The following NEGR1 variants were observed in gnomAD, a reference collection of about 807,000 sequenced individuals.
NEGR1 encodes IgLON family member 4.
Under a neutral mutation model 40.9 loss-of-function variants are expected in NEGR1, and 10 were observed. The observed-to-expected ratio is 0.24, with a 90% CI of 0.15 to 0.42. NEGR1 has a LOEUF of 0.42. Ranked by LOEUF, NEGR1 falls within the 10% of genes least tolerant of loss-of-function variation. NEGR1 has a pLI of 1.00. For synonymous variants in NEGR1, 185 were observed against 166.8 expected, an observed-to-expected ratio of 1.11 and a Z score of -0.84; for missense variants, 352 against 438.9, an observed-to-expected ratio of 0.80 and a Z score of 1.77.
At chr1:71,668,912 T>C (rs1652326639) in intron 4 of NEGR1, among the ~76,000 whole-genome samples, 1 of 152,176 alleles carries the variant, frequency 6.6e-6, no homozygotes, top group Non-Finnish European at 1.5e-5. Flanking sequence ...GTATGTTGAC[T>C]GTGTTGTTTT....
At position 72,279,440 on chromosome 1, in the gene NEGR1, T is replaced by G. The variant is rs182055378; in HGVS notation, c.176+2879A>C. Reference sequence around the variant, plus strand: ...GATAACTGTTATGCCACTATTTGTTTTTTATTAAAGACACTGTGAGGAATA... The same window carrying G: ...GATAACTGTTATGCCACTATTTGTTGTTTATTAAAGACACTGTGAGGAATA... On this transcript the variant is annotated intron_variant, in intron 1 of 6. Coordinates refer to ENST00000357731, the MANE Select transcript of NEGR1 (RefSeq NM_173808.3). Among the ~76,000 whole-genome samples, 246 of 152,190 alleles carry G rather than the reference T, an allele frequency of 1.6e-3. 1 individual carries two copies. The highest frequency in any genetic ancestry group is 3.8e-3 in the Admixed American group (58 of 15,284).
intron 2 of NEGR1, among the ~76,000 whole-genome samples, chr1:71,917,743 G>A (rs1189590999): frequency 6.8e-6 from 1 of 146,874 alleles, no homozygotes; most frequent in Non-Finnish European, 1.5e-5. Context: ...TTGCGCCACT[G>A]CACTCCAGCC....
At chr1:71,493,510 A>G (rs1308892835) in intron 6 of NEGR1, among the ~76,000 whole-genome samples, 1 of 152,164 alleles carries the variant, frequency 6.6e-6, no homozygotes, top group East Asian at 1.9e-4. Context: ...AATCTCATCA[A>G]GCCTTTGAAG....
intron 1 of NEGR1, among the ~76,000 whole-genome samples, chr1:72,205,951 A>G (rs1327068835): frequency 6.7e-6 from 1 of 150,314 alleles, no homozygotes; most frequent in African/African-American, 2.5e-5. Flanking sequence ...TCAAAAAAAA[A>G]AAAGAAAATA....
chr1:72,047,583 A>C (rs1461913286), intron 1 of NEGR1, among the ~76,000 whole-genome samples: 1 of 151,446 alleles, frequency 6.6e-6, no homozygotes, highest in Non-Finnish European at 1.5e-5. Flanking sequence ...AATCTTTTAT[A>C]ATAATATATG....
At chr1:71,931,697 C>G (rs1645856850) in intron 2 of NEGR1, among the ~76,000 whole-genome samples, 1 of 152,092 alleles carries the variant, frequency 6.6e-6, no homozygotes, top group Non-Finnish European at 1.5e-5. Flanking sequence ...TTTGACTGCA[C>G]CTCAAACATT....
chr1:71,981,608 A>T (rs1266598974), intron 1 of NEGR1, among the ~76,000 whole-genome samples: 1 of 152,150 alleles, frequency 6.6e-6, no homozygotes, highest in Non-Finnish European at 1.5e-5. Context: ...AACAGAGGAG[A>T]AAGATTATGG....
At chr1:72,029,408 G>A (rs1230400482) in intron 1 of NEGR1, among the ~76,000 whole-genome samples, 3 of 152,162 alleles carry the variant, frequency 2.0e-5, no homozygotes, top group African/African-American at 7.2e-5. Flanking sequence ...ATAAGAAAAA[G>A]CAAGCAAGGG....
intron 2 of NEGR1, among the ~76,000 whole-genome samples, chr1:71,855,844 G>T (rs1329172345): frequency 6.6e-6 from 1 of 151,884 alleles, no homozygotes; most frequent in African/African-American, 2.4e-5. Flanking sequence ...AATATATTCT[G>T]AGCACCTTAT....
chr1:71,739,221 A>AAC, intron 3 of NEGR1, among the ~76,000 whole-genome samples: 1 of 151,070 alleles, frequency 6.6e-6, no homozygotes, highest in African/African-American at 2.4e-5. Flanking sequence ...AAAAAAACAA[A>AAC]AAAAAAAAAC....
intron 2 of NEGR1, among the ~76,000 whole-genome samples, chr1:71,799,820 C>A (rs1281010096): frequency 6.6e-6 from 1 of 152,088 alleles, no homozygotes; most frequent in Non-Finnish European, 1.5e-5. Context: ...TCAAGCAATT[C>A]TCTTGCCTCA....
At chr1:71,936,961 A>G (rs906371781) in intron 1 of NEGR1, among the ~76,000 whole-genome samples, 2 of 152,236 alleles carry the variant, frequency 1.3e-5, no homozygotes, top group African/African-American at 4.8e-5. Flanking sequence ...GCACAGCTAC[A>G]GAACGAAAAC....
chr1:72,062,347 A>G (rs1023360172), intron 1 of NEGR1, among the ~76,000 whole-genome samples: 1 of 151,914 alleles, frequency 6.6e-6, no homozygotes, highest in Non-Finnish European at 1.5e-5. Context: ...CTAAGATGCC[A>G]TAATATTTAC....
intron 2 of NEGR1, among the ~76,000 whole-genome samples, chr1:71,902,240 A>G (rs2101864510): frequency 6.6e-6 from 1 of 152,292 alleles, no homozygotes; most frequent in Admixed American, 6.5e-5. Context: ...TTTATTCACT[A>G]GATGATAAAA....
At chr1:71,528,503 T>C (rs1647268546) in intron 6 of NEGR1, among the ~76,000 whole-genome samples, 2 of 151,384 alleles carry the variant, frequency 1.3e-5, no homozygotes, top group Non-Finnish European at 3.0e-5. Flanking sequence ...TGGATCTTCC[T>C]GGGGTAAGTT....
At chr1:71,624,773 T>A (rs541339701) in intron 4 of NEGR1, among the ~76,000 whole-genome samples, 1 of 152,094 alleles carries the variant, frequency 6.6e-6, no homozygotes, top group Admixed American at 6.6e-5. Flanking sequence ...CCTGACCTCC[T>A]ATATAAAATG....
chr1:72,091,974 A>C (rs1014940271), intron 1 of NEGR1, among the ~76,000 whole-genome samples: 3 of 152,078 alleles, frequency 2.0e-5, no homozygotes, highest in African/African-American at 7.2e-5. Context: ...GACCTCACTT[A>C]ACATTACTTC....
chr1:71,875,353 A>G (rs1660395550), intron 2 of NEGR1, among the ~76,000 whole-genome samples: 2 of 152,286 alleles, frequency 1.3e-5, no homozygotes, highest in South Asian at 4.1e-4. Context: ...ATTAATACAA[A>G]TGTCTTAAAC....
At chr1:71,787,371 C>T (rs947758612) in intron 2 of NEGR1, among the ~76,000 whole-genome samples, 2 of 151,958 alleles carry the variant, frequency 1.3e-5, no homozygotes, top group African/African-American at 4.8e-5. Flanking sequence ...ATGTTGAAAA[C>T]AAAAATATCT....
Sources: allele counts gnomAD v4.1 joint callset (sites outside exome capture counted in the v4.1 genomes callset), GRCh38; gene constraint gnomAD v4.1.1; transcripts MANE v1.5; gene names NCBI Gene and HGNC (gene_info 2026-07-23, HGNC 2026-07-21).